Variants in TIAM1 observed in about 807,000 individuals in gnomAD.
The protein encoded by TIAM1 is rho guanine nucleotide exchange factor TIAM1.
In TIAM1, 65 loss-of-function variants were observed where a neutral mutation model predicts 163.5. The observed-to-expected ratio is 0.40, with a 90% CI of 0.33 to 0.49. The LOEUF (loss-of-function observed/expected upper bound fraction) is 0.49. Ranked by LOEUF, TIAM1 falls within the 20% of genes least tolerant of loss-of-function variation. The pLI, the probability that TIAM1 is intolerant of heterozygous loss-of-function variation, is 0.77. For missense variants in TIAM1, 1,789 were observed against 2,044.7 expected (o/e 0.87, Z 2.41); for synonymous variants, 833 against 810.1 (o/e 1.03, Z -0.48).
At chr21:31,164,042 A>G (rs1264726870) in intron 16 of TIAM1, among the ~76,000 whole-genome samples, 3 of 152,136 alleles carry the variant, frequency 2.0e-5, no homozygotes, top group African/African-American at 7.2e-5. Context: ...GACTGTGGTA[A>G]AAGAGGCTAC....
At chr21:31,492,227 A>T (rs2186329) in intron 1 of TIAM1, among the ~76,000 whole-genome samples, 1 of 151,908 alleles carries the variant, frequency 6.6e-6, no homozygotes, top group Non-Finnish European at 1.5e-5. Flanking sequence ...CTATTTTATT[A>T]CTAAATAAGA....
At chr21:31,231,577 C>A (rs892109523) in intron 6 of TIAM1, among the ~76,000 whole-genome samples, 2 of 152,178 alleles carry the variant, frequency 1.3e-5, no homozygotes, top group Non-Finnish European at 2.9e-5. Context: ...CAAAGTTAAA[C>A]ACCCTTTGAA....
chr21:31,497,657 AG>A (rs2046710749), intron 1 of TIAM1, among the ~76,000 whole-genome samples: 1 of 152,224 alleles, frequency 6.6e-6, no homozygotes, highest in African/African-American at 2.4e-5. Context: ...ATATAAATAA[AG>A]GAAATAAAAT....
Position 31,418,080 on chromosome 21 carries a change from G to A in TIAM1, c.-369+45903C>T, listed in dbSNP as rs556921039. Among the ~76,000 whole-genome samples, 34 of 152,196 alleles carry A rather than the reference G, an allele frequency of 2.2e-4. No homozygotes were observed. The South Asian group carries it at 5.8e-3, about 26-fold the overall frequency. On this transcript the variant is annotated intron_variant, in intron 2 of 28. Coordinates refer to the TIAM1 transcript ENST00000286827. ...TTTAAAAAGGTGCCCTCTAGGCCAGGTGCGGTGGCTCATACCTGTAATCCC... is the reference window on the plus strand; with the variant it reads ...TTTAAAAAGGTGCCCTCTAGGCCAGATGCGGTGGCTCATACCTGTAATCCC...
At chr21:31,548,727 G>A (rs927066392) in intron 1 of TIAM1, among the ~76,000 whole-genome samples, 3 of 151,564 alleles carry the variant, frequency 2.0e-5, no homozygotes, top group Non-Finnish European at 4.4e-5. Context: ...GGCCACAAGC[G>A]ATCCACCCAC....
intron 1 of TIAM1, among the ~76,000 whole-genome samples, chr21:31,523,542 C>G (rs1276165733): frequency 6.6e-6 from 1 of 152,172 alleles, no homozygotes; most frequent in African/African-American, 2.4e-5. Context: ...AGCCTCCAGG[C>G]TCAACCTAGC....
intron 2 of TIAM1, among the ~76,000 whole-genome samples, chr21:31,299,782 A>T (rs924899838): frequency 2.0e-5 from 3 of 152,284 alleles, no homozygotes; most frequent in African/African-American, 7.2e-5. Context: ...GTCATTTCAC[A>T]TCACCAAGCC....
At chr21:31,301,591 A>G (rs1218927989) in intron 2 of TIAM1, among the ~76,000 whole-genome samples, 3 of 152,150 alleles carry the variant, frequency 2.0e-5, no homozygotes, top group Admixed American at 1.3e-4. Context: ...TGTAATCCCA[A>G]CACTTTGGGA....
At chr21:31,505,876 G>A (rs1436252848) in intron 1 of TIAM1, among the ~76,000 whole-genome samples, 1 of 151,870 alleles carries the variant, frequency 6.6e-6, no homozygotes, top group Non-Finnish European at 1.5e-5. Context: ...GGACGTGGTG[G>A]CGGGTGCCTG....
intron 1 of TIAM1, among the ~76,000 whole-genome samples, chr21:31,510,043 G>A (rs543834950): frequency 2.1e-4 from 32 of 152,330 alleles, no homozygotes; most frequent in Non-Finnish European, 4.0e-4. Context: ...CTATGGTTCT[G>A]AAGTGCATCC....
intron 2 of TIAM1, among the ~76,000 whole-genome samples, chr21:31,365,343 T>C (rs915379490): frequency 1.6e-4 from 25 of 151,940 alleles, no homozygotes; most frequent in African/African-American, 5.6e-4. Flanking sequence ...CAATGGGATA[T>C]AGGAAGCACC....
chr21:31,468,085 T>TAAA (rs11443773), intron 1 of TIAM1, among the ~76,000 whole-genome samples: 9,766 of 139,512 alleles, frequency 0.07, 372 homozygotes, highest in Non-Finnish European at 0.082. Flanking sequence ...GCGAAACTCT[T>TAAA]AAAAAAAAAA....
At chr21:31,331,401 C>A (rs1569231381) in intron 2 of TIAM1, among the ~76,000 whole-genome samples, 1 of 152,210 alleles carries the variant, frequency 6.6e-6, no homozygotes, top group Non-Finnish European at 1.5e-5. Flanking sequence ...CCCAACCAGC[C>A]ACAATGACTC....
At chr21:31,452,414 G>T in intron 2 of TIAM1, 1 of 338,842 alleles carries the variant, frequency 3.0e-6, no homozygotes, top group South Asian at 3.4e-5. Context: ...CTGGGCCACA[G>T]AGCAAGACCC....
chr21:31,353,538 T>C (rs2076267548), intron 2 of TIAM1, among the ~76,000 whole-genome samples: 1 of 152,210 alleles, frequency 6.6e-6, no homozygotes, highest in African/African-American at 2.4e-5. Flanking sequence ...TGAAAGCCAC[T>C]AGGCTAGGGG....
chr21:31,288,789 A>C lies in TIAM1; in HGVS notation c.-188-11881T>G, dbSNP rs568174840. ...AAGTTTCAAACATTATCTCAACCACACTTTGTATGGACTAAATCAATACCT... is the reference window on the plus strand; with the variant it reads ...AAGTTTCAAACATTATCTCAACCACCCTTTGTATGGACTAAATCAATACCT... On this transcript the variant is annotated intron_variant, in intron 2 of 27. Transcript: ENST00000541036. Among the ~76,000 whole-genome samples, 18 of 150,792 alleles carry C rather than the reference A, an allele frequency of 1.2e-4. No individual in the cohort carries two copies. The South Asian group carries it at 3.7e-3, about 31-fold the overall frequency.
chr21:31,305,127 T>C (rs1179786192), intron 2 of TIAM1, among the ~76,000 whole-genome samples: 2 of 152,176 alleles, frequency 1.3e-5, no homozygotes, highest in Non-Finnish European at 2.9e-5. Context: ...ATTTAAAATA[T>C]TTTGCTCAAC....
chr21:31,150,823 A>G (rs193123161), intron 19 of TIAM1, among the ~76,000 whole-genome samples: 4 of 152,354 alleles, frequency 2.6e-5, no homozygotes, highest in African/African-American at 9.6e-5. Context: ...AAAAATATTT[A>G]CAAATCATGT....
chr21:31,392,754 A>G (rs1390435220), intron 2 of TIAM1, among the ~76,000 whole-genome samples: 1 of 151,800 alleles, frequency 6.6e-6, no homozygotes, highest in Non-Finnish European at 1.5e-5. Context: ...TGCAGTCATG[A>G]GTGAGTTCTT....
Sources: gnomAD v4.1 joint callset for allele counts (sites outside exome capture counted in the v4.1 genomes callset) on GRCh38, gnomAD v4.1.1 for gene constraint, MANE v1.5 for transcripts, NCBI Gene and HGNC (gene_info 2026-07-23, HGNC 2026-07-21) for gene names.